PRKG1: variants seen among roughly 807,000 people sequenced by gnomAD.
PRKG1 encodes cGMP-dependent protein kinase 1.
In PRKG1, 35 loss-of-function variants were observed where a neutral mutation model predicts 88.1. The ratio of observed to expected loss-of-function variants is 0.40; its 90% CI spans 0.30 to 0.53. The LOEUF (loss-of-function observed/expected upper bound fraction) is 0.53. Among genes scored for constraint, PRKG1 ranks in the 20% least tolerant of loss-of-function variants. PRKG1 has a pLI of 0.59. For missense variants in PRKG1, 540 were observed against 839.8 expected (o/e 0.64, Z 4.41); for synonymous variants, 303 against 292.5 (o/e 1.04, Z -0.37).
chr10:51,243,035 TAAG>T (rs1163494839), intron 2 of PRKG1, among the ~76,000 whole-genome samples: 2 of 152,176 alleles, frequency 1.3e-5, no homozygotes, highest in African/African-American at 4.8e-5. Context: ...TTGTGAATAA[TAAG>T]AATTGATATG....
chr10:51,036,189 G>GT (rs796427527), intron 1 of PRKG1, among the ~76,000 whole-genome samples: 6 of 151,940 alleles, frequency 3.9e-5, no homozygotes, highest in African/African-American at 1.5e-4. Flanking sequence ...AGGTTTTTCT[G>GT]TTTTTTCCTC....
chr10:51,246,135 C>T (rs1208669781), intron 2 of PRKG1, among the ~76,000 whole-genome samples: 1 of 152,052 alleles, frequency 6.6e-6, no homozygotes, highest in Non-Finnish European at 1.5e-5. Flanking sequence ...TTGAGATTTG[C>T]ACTTGCTGCT....
At chr10:51,579,182 G>A (rs770635736) in intron 3 of PRKG1, among the ~76,000 whole-genome samples, 9 of 151,518 alleles carry the variant, frequency 5.9e-5, no homozygotes, top group African/African-American at 1.2e-4. Flanking sequence ...GGGTTTCACC[G>A]TGTTGGCCAG....
intron 3 of PRKG1, among the ~76,000 whole-genome samples, chr10:51,609,749 G>A (rs937842492): frequency 3.9e-5 from 6 of 152,078 alleles, no homozygotes; most frequent in African/African-American, 1.2e-4. Context: ...AGAAAACCAA[G>A]CACCACGTGT....
chr10:51,453,776 G>A (rs1360532966), intron 2 of PRKG1, among the ~76,000 whole-genome samples: 2 of 151,898 alleles, frequency 1.3e-5, no homozygotes, highest in African/African-American at 4.8e-5. Context: ...GAAATAAAGG[G>A]CATCCAAATT....
chr10:51,775,688 G>C (rs1429468852), intron 3 of PRKG1, among the ~76,000 whole-genome samples: 1 of 151,820 alleles, frequency 6.6e-6, no homozygotes, highest in African/African-American at 2.4e-5. Flanking sequence ...AGGTTCAAGC[G>C]ATTCTCCTGC....
At chr10:52,139,321 T>G (rs988407081) in intron 8 of PRKG1, among the ~76,000 whole-genome samples, 6 of 152,134 alleles carry the variant, frequency 3.9e-5, no homozygotes, top group African/African-American at 1.2e-4. Context: ...AAAACCTCAG[T>G]GCCTTCCACA....
intron 9 of PRKG1, among the ~76,000 whole-genome samples, chr10:52,216,585 A>C (rs1392440848): frequency 6.6e-6 from 1 of 152,186 alleles, no homozygotes; most frequent in African/African-American, 2.4e-5. Flanking sequence ...CCAGAATTAG[A>C]TGCAGTTAAT....
intron 3 of PRKG1, among the ~76,000 whole-genome samples, chr10:51,575,067 A>G (rs1837850108): frequency 6.6e-6 from 1 of 151,982 alleles, no homozygotes; most frequent in Admixed American, 6.6e-5. Context: ...AGCTTGTTAA[A>G]TGTTCTGCCA....
At chr10:51,376,638 G>C (rs1331127912) in intron 2 of PRKG1, among the ~76,000 whole-genome samples, 1 of 151,892 alleles carries the variant, frequency 6.6e-6, no homozygotes, top group Non-Finnish European at 1.5e-5. Context: ...ACATTTACTA[G>C]GGTTTTGTTT....
chr10:52,107,031 C>T (rs1847442960), intron 7 of PRKG1, among the ~76,000 whole-genome samples: 1 of 152,138 alleles, frequency 6.6e-6, no homozygotes, highest in African/African-American at 2.4e-5. Context: ...TGTCCTGATC[C>T]TCCATAGTCA....
intron 10 of PRKG1, among the ~76,000 whole-genome samples, chr10:52,259,694 G>T (rs1000585704): frequency 6.6e-6 from 1 of 151,972 alleles, no homozygotes; most frequent in Non-Finnish European, 1.5e-5. Flanking sequence ...CACTGAGAGT[G>T]GGGAGATCAT....
chr10:52,131,357 G>A lies in PRKG1; in HGVS notation c.936-2483G>A, dbSNP rs190035509. On this transcript the variant is annotated intron_variant, in intron 7 of 17. Coordinates refer to ENST00000373980, the MANE Select transcript of PRKG1 (RefSeq NM_006258.4). ...TGGTGATACATGCTTGGATGGAGAG[G>A]TATGTAGGGCTACGAGAACAGATGC... Among the ~76,000 whole-genome samples, 51 of 152,196 alleles carry A rather than the reference G, an allele frequency of 3.4e-4. 1 individual carries two copies. In the East Asian group the frequency reaches 9.3e-3, roughly 28 times the overall value.
intron 9 of PRKG1, among the ~76,000 whole-genome samples, chr10:52,193,553 A>C (rs1354340801): frequency 2.9e-5 from 1 of 34,246 alleles, no homozygotes; most frequent in Non-Finnish European, 8.2e-5. Flanking sequence ...TGTCTCAAAA[A>C]AAAAAAAAAC....
chr10:51,812,778 T>C (rs1475612992), intron 4 of PRKG1, among the ~76,000 whole-genome samples: 1 of 152,020 alleles, frequency 6.6e-6, no homozygotes, highest in Non-Finnish European at 1.5e-5. Flanking sequence ...TTTTTTTTTC[T>C]CTCAGTTCAT....
chr10:52,283,017 C>A (rs1842033551), intron 14 of PRKG1, among the ~76,000 whole-genome samples: 1 of 151,934 alleles, frequency 6.6e-6, no homozygotes, highest in Non-Finnish European at 1.5e-5. Flanking sequence ...GGCAAATAGG[C>A]ATGGCTTAAA....
chr10:51,785,989 C>A (rs1838717882), intron 3 of PRKG1, among the ~76,000 whole-genome samples: 1 of 152,104 alleles, frequency 6.6e-6, no homozygotes, highest in Non-Finnish European at 1.5e-5. Context: ...CTCCACCTTT[C>A]AGAGTTTGCT....
chr10:51,940,031 C>A (rs1842873064), intron 5 of PRKG1, among the ~76,000 whole-genome samples: 1 of 151,884 alleles, frequency 6.6e-6, no homozygotes, highest in Non-Finnish European at 1.5e-5. Flanking sequence ...TGAAAAATTT[C>A]TATAGCCTTA....
chr10:51,359,985 C>T (rs1842445692), intron 2 of PRKG1, among the ~76,000 whole-genome samples: 1 of 151,998 alleles, frequency 6.6e-6, no homozygotes, highest in South Asian at 2.1e-4. Flanking sequence ...ATTTTTAAGT[C>T]TTCAGAAAAT....
Sources: gnomAD v4.1 joint callset for allele counts (sites outside exome capture counted in the v4.1 genomes callset) on GRCh38, gnomAD v4.1.1 for gene constraint, MANE v1.5 for transcripts, NCBI Gene and HGNC (gene_info 2026-07-23, HGNC 2026-07-21) for gene names.